CSMD1: variants seen among roughly 807,000 people sequenced by gnomAD.
The protein encoded by CSMD1 is CUB and Sushi multiple domains 1, also known as CUB and sushi domain-containing protein 1.
A neutral mutation model predicts 417.5 loss-of-function variants in CSMD1; 213 were observed. The observed-to-expected ratio is 0.51, with a 90% CI of 0.46 to 0.57. The LOEUF is 0.57. CSMD1 is among the 20% of genes least tolerant of loss of function. CSMD1 has a pLI of 0.00. For synonymous variants in CSMD1, 2,862 were observed against 1,736.8 expected, an observed-to-expected ratio of 1.65 and a Z score of -16.11; for missense variants, 6,923 against 4,529.7, an observed-to-expected ratio of 1.53 and a Z score of -15.17.
chr8:4,236,026 G>GTTTTTT (rs147378202), intron 3 of CSMD1, among the ~76,000 whole-genome samples: 8 of 108,086 alleles, frequency 7.4e-5, no homozygotes, highest in African/African-American at 3.4e-4. Context: ...AATGGATATT[G>GTTTTTT]TTTTTTTTGT....
intron 2 of CSMD1, among the ~76,000 whole-genome samples, chr8:4,589,323 G>C (rs1799872279): frequency 6.6e-6 from 1 of 152,096 alleles, no homozygotes; most frequent in African/African-American, 2.4e-5. Context: ...GTGATCTTTA[G>C]CCATGTTTTT....
intron 1 of CSMD1, among the ~76,000 whole-genome samples, chr8:4,643,697 T>C (rs1803344170): frequency 6.6e-6 from 1 of 152,242 alleles, no homozygotes; most frequent in Non-Finnish European, 1.5e-5. Flanking sequence ...ATAAGCGCTG[T>C]TTGAAACGGT....
At chr8:3,228,921 C>G (rs183045364) in intron 27 of CSMD1, among the ~76,000 whole-genome samples, 2 of 152,148 alleles carry the variant, frequency 1.3e-5, no homozygotes, top group Admixed American at 1.3e-4. Context: ...TTGAGTAAAA[C>G]GCGTGACTGT....
chr8:3,764,097 A>G (rs1001254603), intron 5 of CSMD1, among the ~76,000 whole-genome samples: 4 of 152,076 alleles, frequency 2.6e-5, no homozygotes, highest in Admixed American at 2.0e-4. Context: ...GTTGCACTCA[A>G]AAAGACATGA....
intron 1 of CSMD1, among the ~76,000 whole-genome samples, chr8:4,764,903 A>AC (rs1491335454): frequency 2.2e-4 from 2 of 9,270 alleles, no homozygotes; most frequent in Non-Finnish European, 3.2e-4. Flanking sequence ...AACAACAACA[A>AC]CAAAAAAAAA....
rs183598610 is a variant in CSMD1 at position 3,411,316 on chromosome 8, C to G, written c.1562-1711G>C. ...TTTATTATCTTGCAGGGGCCAAGAG[C>G]AAATTCTTTGTGGGGTATTTTTTAG... is the stretch of plus-strand genomic sequence containing the variant. On this transcript the variant is annotated intron_variant, in intron 12 of 69. Coordinates refer to ENST00000635120, the MANE Select transcript of CSMD1 (RefSeq NM_033225.6). 2.8e-4 allele frequency among the ~76,000 whole-genome samples: 43 copies of G among 152,182 alleles called. No homozygotes were observed. The East Asian group carries it at 7.6e-3, about 27-fold the overall frequency.
chr8:4,139,612 A>C (rs3902480), intron 3 of CSMD1, among the ~76,000 whole-genome samples: 20,302 of 150,990 alleles, frequency 0.13, 2,748 homozygotes, highest in East Asian at 0.3. Flanking sequence ...GACAAGGAGC[A>C]GAGGAAGGGC....
intron 3 of CSMD1, among the ~76,000 whole-genome samples, chr8:4,302,889 C>T (rs1477045776): frequency 6.6e-6 from 1 of 152,024 alleles, no homozygotes; most frequent in African/African-American, 2.4e-5. Flanking sequence ...GGCCTCCATG[C>T]TGATTCATAT....
chr8:4,223,780 C>G (rs1364493707), intron 3 of CSMD1, among the ~76,000 whole-genome samples: 1 of 152,136 alleles, frequency 6.6e-6, no homozygotes, highest in South Asian at 2.1e-4. Flanking sequence ...TAGTCTGATG[C>G]AAATTAAAAA....
intron 26 of CSMD1, among the ~76,000 whole-genome samples, chr8:3,258,117 G>A (rs1800794197): frequency 6.6e-6 from 1 of 152,074 alleles, no homozygotes; most frequent in Non-Finnish European, 1.5e-5. Flanking sequence ...GGCTGCATGT[G>A]GGATATGAAA....
chr8:4,682,732 T>C (rs750060104), intron 1 of CSMD1, among the ~76,000 whole-genome samples: 1 of 151,688 alleles, frequency 6.6e-6, no homozygotes, highest in African/African-American at 2.4e-5. Context: ...TGTCCAATAT[T>C]ACGTTGCTGT....
chr8:3,754,421 A>G (rs527679213), intron 5 of CSMD1, among the ~76,000 whole-genome samples: 1 of 145,488 alleles, frequency 6.9e-6, no homozygotes, highest in African/African-American at 2.5e-5. Flanking sequence ...CAATTTGAAG[A>G]CTTAGTAATT....
chr8:3,238,264 G>A lies in CSMD1; in HGVS notation c.4154-8033C>T, dbSNP rs924165731. On this transcript the variant is annotated intron_variant, in intron 26 of 69. Transcript: ENST00000635120. ...AGGAGAAGGAATTTCACAAGATAATGTCATCAGTTAAGGCAGGAACAGGCC... is the reference window on the plus strand; with the variant it reads ...AGGAGAAGGAATTTCACAAGATAATATCATCAGTTAAGGCAGGAACAGGCC... Among the ~76,000 whole-genome samples, 10 of 152,162 alleles carry A rather than the reference G, an allele frequency of 6.6e-5. No individual in the cohort carries two copies. The South Asian group carries it at 2.1e-3, about 32-fold the overall frequency.
At chr8:3,801,605 G>C (rs1403237987) in intron 5 of CSMD1, among the ~76,000 whole-genome samples, 2 of 150,974 alleles carry the variant, frequency 1.3e-5, no homozygotes, top group Non-Finnish European at 3.0e-5. Flanking sequence ...TGTGAGTAAA[G>C]AATTCCACTC....
intron 5 of CSMD1, among the ~76,000 whole-genome samples, chr8:3,895,978 C>T (rs1378166863): frequency 2.6e-5 from 4 of 152,192 alleles, no homozygotes; most frequent in African/African-American, 9.7e-5. Context: ...TGTTAACCTC[C>T]CCTATTACTG....
intron 3 of CSMD1, among the ~76,000 whole-genome samples, chr8:4,216,096 G>A (rs1800651737): frequency 1.3e-5 from 2 of 152,296 alleles, no homozygotes; most frequent in African/African-American, 2.4e-5. Context: ...TTCTTGGCAT[G>A]CAGTCCTCTT....
At chr8:4,294,325 G>C (rs1044903272) in intron 3 of CSMD1, among the ~76,000 whole-genome samples, 1 of 152,130 alleles carries the variant, frequency 6.6e-6, no homozygotes, top group Non-Finnish European at 1.5e-5. Flanking sequence ...TACGTGCACT[G>C]ACGGTTTTCA....
At chr8:3,368,863 A>G (rs1217652632) in intron 19 of CSMD1, among the ~76,000 whole-genome samples, 1 of 152,240 alleles carries the variant, frequency 6.6e-6, no homozygotes, top group African/African-American at 2.4e-5. Context: ...GGGTAAACAT[A>G]AAATACAAGG....
At chr8:3,368,443 T>A (rs1253955081) in intron 19 of CSMD1, among the ~76,000 whole-genome samples, 1 of 152,120 alleles carries the variant, frequency 6.6e-6, no homozygotes, top group Admixed American at 6.6e-5. Context: ...TTCAAGCCAT[T>A]CCCCTGACTC....
Sources: gnomAD v4.1 joint callset for allele counts (sites outside exome capture counted in the v4.1 genomes callset) on GRCh38, gnomAD v4.1.1 for gene constraint, MANE v1.5 for transcripts, NCBI Gene and HGNC (gene_info 2026-07-23, HGNC 2026-07-21) for gene names.